DCST1: variants seen among roughly 807,000 people sequenced by gnomAD.
DCST1 encodes the protein DC-STAMP domain containing 1.
DCST1 carries 78 observed loss-of-function variants against 89.1 expected under a neutral mutation model. The ratio of observed to expected loss-of-function variants is 0.88; its 90% CI spans 0.73 to 1.06. The LOEUF is 1.06. DCST1 is among the 50% of genes least tolerant of loss of function. The probability of loss-of-function intolerance (pLI) is 0.00; values close to 1 mark genes in which losing one functional copy is unlikely to be tolerated. For synonymous variants in DCST1, 364 were observed against 371.9 expected (o/e 0.98, Z 0.24); for missense variants, 900 against 928.6 (o/e 0.97, Z 0.40).
intron 4 of DCST1, among the ~76,000 whole-genome samples, chr1:155,037,530 G>A (rs911609223): frequency 7.0e-6 from 1 of 143,506 alleles, no homozygotes; most frequent in East Asian, 2.1e-4. Flanking sequence ...TGCAATCTCC[G>A]CCTCCCGGGT....
chr1:155,034,581 T>A lies in DCST1; in HGVS notation c.187+21T>A, dbSNP rs370018457. 2.5e-6 allele frequency: 4 copies of A among 1,613,780 alleles called. No homozygotes were observed. In the African/African-American group the frequency reaches 5.3e-5, roughly 22 times the overall value. On this transcript the variant is annotated intron_variant, in intron 3 of 16. Transcript: ENST00000295542. The stretch of plus-strand genomic sequence containing the variant: ...CATAGGTGAGTGTGGAAGCAGAAAG[T>A]TCGGGGTGGGCAGAGGCTGGACCAG...
intron 9 of DCST1, 56 bp downstream of exon 9, chr1:155,042,912 T>C: frequency 6.3e-7 from 1 of 1,592,016 alleles, no homozygotes. Context: ...GAGGAGGGCA[T>C]GAGGGAATAG....
chr1:155,046,404 G>A lies in DCST1; in HGVS notation c.1413G>A (p.Val471=). The A allele has an allele frequency of 6.2e-7, 1 of 1,614,050 alleles. No individual in the cohort carries two copies. The highest frequency in any genetic ancestry group is 8.5e-7 in the Non-Finnish European group (1 of 1,180,004). The change falls in exon 13 of 17, where the codon GTG becomes GTA. Residue 471 remains valine (V), a synonymous_variant. Coordinates refer to ENST00000295542, the MANE Select transcript of DCST1 (RefSeq NM_152494.4). The part of the protein sequence containing the change: ...LETLPILLLL[V]VLCGLDWALY... Reference sequence around the variant, plus strand: ...CACTGCCCATTCTGCTGCTGCTGGTGGTGCTGTGTGGCTTGGACTGGGCTC... The same window carrying A: ...CACTGCCCATTCTGCTGCTGCTGGTAGTGCTGTGTGGCTTGGACTGGGCTC...
intron 5 of DCST1, among the ~76,000 whole-genome samples, chr1:155,039,951 A>C (rs1048648895): frequency 8.1e-6 from 1 of 123,428 alleles, no homozygotes; most frequent in African/African-American, 3.1e-5. Context: ...AGATTGCGCC[A>C]TTGCACTCCA....
Position 155,046,424 on chromosome 1 carries a change from G to A in DCST1, c.1433G>A (p.Trp478Ter), listed in dbSNP as rs1184163712. 1.2e-6 allele frequency: 2 copies of A among 1,613,774 alleles called. No homozygotes were observed. The highest frequency in any genetic ancestry group is 2.2e-5 in the East Asian group (1 of 44,880). ...LLLVVLCGLD[W>*]ALYSIFDTIR... ...CTGGTGGTGCTGTGTGGCTTGGACTGGGCTCTCTACTCCATCTTCGACACC... is the reference window on the plus strand; with the variant it reads ...CTGGTGGTGCTGTGTGGCTTGGACTAGGCTCTCTACTCCATCTTCGACACC... The change falls in exon 13 of 17, where the codon TGG (tryptophan) becomes TAG (stop). Residue 478 changes from tryptophan to a stop codon, truncating the protein, a stop_gained. Transcript: ENST00000295542. LOFTEE classifies it high-confidence loss of function.
chr1:155,034,592 C>T, intron 3 of DCST1, 32 bp downstream of exon 3: 1 of 1,613,924 alleles, frequency 6.2e-7, no homozygotes, highest in Non-Finnish European at 8.5e-7. Flanking sequence ...TCGGGGTGGG[C>T]AGAGGCTGGA....
intron 9 of DCST1, 31 bp downstream of exon 9, chr1:155,042,887 G>A: frequency 1.2e-6 from 2 of 1,612,580 alleles, no homozygotes; most frequent in African/African-American, 2.7e-5. Flanking sequence ...TTGGTGGGGG[G>A]TAGATAGGGA....
chr1:155,042,161 C>G (rs1432175444), intron 8 of DCST1, among the ~76,000 whole-genome samples: 1 of 152,120 alleles, frequency 6.6e-6, no homozygotes, highest in Non-Finnish European at 1.5e-5. Context: ...TGCAGTGGCG[C>G]AATCTCGGCT....
intron 9 of DCST1, 66 bp downstream of exon 9, chr1:155,042,922 G>C (rs1417098776): frequency 4.4e-6 from 7 of 1,585,600 alleles, no homozygotes; most frequent in Non-Finnish European, 4.3e-6. Context: ...TGAGGGAATA[G>C]AGCTAGAGGA....
chr1:155,046,643 C>T (rs1409633413), intron 13 of DCST1, among the ~76,000 whole-genome samples, 157 bp downstream of exon 13: 1 of 141,522 alleles, frequency 7.1e-6, no homozygotes, highest in African/African-American at 2.7e-5. Context: ...CGCTCTGTCA[C>T]CCAGGCTGGA....
At chr1:155,038,069 G>A (rs2102352238) in intron 4 of DCST1, among the ~76,000 whole-genome samples, 1 of 152,362 alleles carries the variant, frequency 6.6e-6, no homozygotes, top group East Asian at 1.9e-4. Flanking sequence ...ACTGTGGGGT[G>A]GCACCCGACA....
At chr1:155,039,560 C>G in intron 5 of DCST1, 29 bp downstream of exon 5, 1 of 1,533,092 alleles carries the variant, frequency 6.5e-7, no homozygotes, top group Admixed American at 1.9e-5. Context: ...GTGAGTTACA[C>G]TGAAGCAGTG....
chr1:155,042,903 A>C lies in DCST1; in HGVS notation c.1014+47A>C, dbSNP rs757994475. 6 of 1,601,298 alleles carry C rather than the reference A, an allele frequency of 3.7e-6. No individual in the cohort carries two copies. In the African/African-American group the frequency reaches 6.7e-5, roughly 18 times the overall value. On this transcript the variant is annotated intron_variant, in intron 9 of 16. Coordinates refer to ENST00000295542, the MANE Select transcript of DCST1 (RefSeq NM_152494.4). The stretch of plus-strand genomic sequence containing the variant: ...TGGTGGGGGGTAGATAGGGAGTGGG[A>C]GGAGGGCATGAGGGAATAGAGCTAG...
intron 13 of DCST1, among the ~76,000 whole-genome samples, 167 bp from the exon 14 acceptor site, chr1:155,047,029 C>T (rs1446827788): frequency 4.6e-5 from 7 of 152,288 alleles, no homozygotes; most frequent in African/African-American, 1.7e-4. Flanking sequence ...TACCCCTTTA[C>T]ACTTACAACT....
rs748158429 is a variant in DCST1 at position 155,048,040 on chromosome 1, C to A, written c.1756-17C>A. On this transcript the variant is annotated splice_polypyrimidine_tract_variant and intron_variant, in intron 15 of 16. Transcript: ENST00000295542. ...GGGGATGCCTTTCTCTATCATTGACCCCCTTCCTGCCCCCAGCGAGAGAAG... is the reference window on the plus strand; with the variant it reads ...GGGGATGCCTTTCTCTATCATTGACACCCTTCCTGCCCCCAGCGAGAGAAG... 1.9e-6 allele frequency: 3 copies of A among 1,613,664 alleles called. No individual in the cohort carries two copies. The highest frequency in any genetic ancestry group is 1.1e-5 in the South Asian group (1 of 91,040).
At chr1:155,037,486 C>A (rs1378154405) in intron 4 of DCST1, among the ~76,000 whole-genome samples, 6 of 150,512 alleles carry the variant, frequency 4.0e-5, no homozygotes, top group African/African-American at 4.9e-5. Context: ...CTCTGTCCCC[C>A]AGGCTGGAAT....
At chr1:155,040,372 C>T in intron 5 of DCST1, 113 bp from the exon 6 acceptor site, 1 of 1,160,200 alleles carries the variant, frequency 8.6e-7, no homozygotes, top group South Asian at 2.0e-5. Flanking sequence ...AGGCTCTCGG[C>T]CCCACCACTG....
chr1:155,036,692 C>A (rs148327354), intron 4 of DCST1, among the ~76,000 whole-genome samples: 1,727 of 152,384 alleles, frequency 0.011, 13 homozygotes, highest in Non-Finnish European at 0.017. Flanking sequence ...ACTGTGGATG[C>A]CTGCGTGTAG....
intron 16 of DCST1, chr1:155,049,158 G>A (rs1175397753): frequency 5.7e-6 from 4 of 698,206 alleles, no homozygotes; most frequent in East Asian, 2.7e-5. Flanking sequence ...CTATGACAAC[G>A]GTGTGACCTT....
Sources: gnomAD v4.1 joint callset for allele counts (sites outside exome capture counted in the v4.1 genomes callset) on GRCh38, gnomAD v4.1.1 for gene constraint, MANE v1.5 for transcripts, NCBI Gene and HGNC (gene_info 2026-07-23, HGNC 2026-07-21) for gene names.